Variants in PTPRZ1 observed in about 807,000 individuals in gnomAD.
The protein encoded by PTPRZ1 is receptor-type tyrosine-protein phosphatase zeta.
A neutral mutation model predicts 214.1 loss-of-function variants in PTPRZ1; 82 were observed. The ratio of observed to expected loss-of-function variants is 0.38; its 90% CI spans 0.32 to 0.46. The LOEUF (loss-of-function observed/expected upper bound fraction) is 0.46. Ranked by LOEUF, PTPRZ1 falls within the 20% of genes least tolerant of loss-of-function variation. PTPRZ1 has a pLI of 1.00. For synonymous variants in PTPRZ1, 945 were observed against 987.9 expected, an observed-to-expected ratio of 0.96 and a Z score of 0.81; for missense variants, 2,603 against 2,748.7, an observed-to-expected ratio of 0.95 and a Z score of 1.19.
intron 2 of PTPRZ1, among the ~76,000 whole-genome samples, chr7:121,931,055 C>T (rs1013485832): frequency 1.3e-5 from 2 of 152,072 alleles, no homozygotes; most frequent in African/African-American, 2.4e-5. Context: ...GTTGTGGTTT[C>T]GGAATGCTAC....
chr7:121,999,807 C>T (rs1584728089), intron 10 of PTPRZ1, among the ~76,000 whole-genome samples: 1 of 152,038 alleles, frequency 6.6e-6, no homozygotes, highest in Non-Finnish European at 1.5e-5. Context: ...CTGAGTGATC[C>T]TGTTAGACTG....
intron 6 of PTPRZ1, among the ~76,000 whole-genome samples, chr7:121,977,885 T>TA (rs1375520726): frequency 4.6e-5 from 7 of 152,122 alleles, no homozygotes; most frequent in Non-Finnish European, 2.9e-5. Context: ...TTCCTATACT[T>TA]AAAAAAATGT....
intron 13 of PTPRZ1, among the ~76,000 whole-genome samples, chr7:122,021,912 A>T (rs1799028262): frequency 6.6e-6 from 1 of 152,206 alleles, no homozygotes; most frequent in Non-Finnish European, 1.5e-5. Context: ...ATATCATCAT[A>T]TGCTAGGGGT....
At chr7:122,023,239 T>C (rs1799074131) in intron 13 of PTPRZ1, among the ~76,000 whole-genome samples, 1 of 151,730 alleles carries the variant, frequency 6.6e-6, no homozygotes, top group African/African-American at 2.4e-5. Context: ...GTATAAACTT[T>C]CAGAGGAAGC....
intron 8 of PTPRZ1, among the ~76,000 whole-genome samples, chr7:121,990,365 A>G (rs1249105737): frequency 6.6e-6 from 1 of 152,076 alleles, no homozygotes; most frequent in African/African-American, 2.4e-5. Flanking sequence ...GAATTAATGC[A>G]TATTTTATCT....
chr7:121,911,606 T>C (rs568438646), intron 1 of PTPRZ1, among the ~76,000 whole-genome samples: 1 of 152,198 alleles, frequency 6.6e-6, no homozygotes, highest in African/African-American at 2.4e-5. Context: ...ACTTCTTCCT[T>C]CTCTTATCCT....
intron 8 of PTPRZ1, among the ~76,000 whole-genome samples, chr7:121,989,438 G>T (rs777067512): frequency 6.8e-6 from 1 of 146,828 alleles, no homozygotes; most frequent in African/African-American, 2.5e-5. Context: ...GCAATGGCAC[G>T]ATATCGGCTC....
chr7:122,018,409 T>C (rs1252807712), intron 12 of PTPRZ1, among the ~76,000 whole-genome samples: 1 of 152,226 alleles, frequency 6.6e-6, no homozygotes, highest in East Asian at 1.9e-4. Context: ...TGTCATCTTT[T>C]AAAATTAACT....
chr7:121,908,594 G>A (rs953692082), intron 1 of PTPRZ1: 12 of 360,144 alleles, frequency 3.3e-5, no homozygotes, highest in African/African-American at 1.9e-4. Flanking sequence ...CGTCTGTAAT[G>A]TTCTCTTTAT....
At chr7:122,048,057 T>C (rs1206356) in intron 23 of PTPRZ1, among the ~76,000 whole-genome samples, 96,574 of 151,946 alleles carry the variant, frequency 0.64, 32,260 homozygotes, top group African/African-American at 0.86. Context: ...CAGAGTATAA[T>C]ACAGTAAAAA....
At chr7:122,010,198 C>A in intron 11 of PTPRZ1, 136 bp from the exon 12 acceptor site, 1 of 791,132 alleles carries the variant, frequency 1.3e-6, no homozygotes, top group Non-Finnish European at 2.0e-6. Context: ...TAGAGGTATG[C>A]ATTGTACAGA....
intron 2 of PTPRZ1, among the ~76,000 whole-genome samples, chr7:121,964,851 C>A (rs1490094647): frequency 6.6e-6 from 1 of 152,084 alleles, no homozygotes; most frequent in East Asian, 1.9e-4. Flanking sequence ...TAGGTGATAG[C>A]CAGTGTCAAG....
chr7:121,954,496 AC>A (rs1375360335), intron 2 of PTPRZ1, among the ~76,000 whole-genome samples: 1 of 152,018 alleles, frequency 6.6e-6, no homozygotes, highest in Non-Finnish European at 1.5e-5. Context: ...TATTTCAAGT[AC>A]CTTTTTTATC....
At chr7:121,946,688 G>A (rs1170616150) in intron 2 of PTPRZ1, among the ~76,000 whole-genome samples, 2 of 152,156 alleles carry the variant, frequency 1.3e-5, no homozygotes, top group African/African-American at 4.8e-5. Flanking sequence ...TTACAAGACA[G>A]AGAATAATAT....
chr7:122,011,241 C>T lies in PTPRZ1; in HGVS notation c.2195C>T (p.Ser732Phe), dbSNP rs1205978975. 2 of 1,613,924 alleles carry T rather than the reference C, an allele frequency of 1.2e-6. No homozygotes were observed. Among genetic ancestry groups the T allele is most frequent in the Admixed American group, 1.7e-5 (1 of 60,000 alleles). ...EVTPHAFTPS[S>F]RQQDLVSTVN... is the part of the protein sequence containing the mutation. ...ACACCTCATGCTTTTACCCCATCCT[C>T]CAGACAACAGGATTTGGTCTCCACG... Residue 732 changes from serine (S) to phenylalanine (F), a missense_variant, in exon 12 of 30, where the codon TCC (serine) becomes TTC (phenylalanine). Around this residue, in one of 6 missense-constraint regions of PTPRZ1, gnomAD observed 1,913 missense variants for 1,914.3 expected, o/e 1.00. Coordinates refer to ENST00000393386, the MANE Select transcript of PTPRZ1 (RefSeq NM_002851.3).
At chr7:122,030,242 T>C (rs1314427311) in intron 14 of PTPRZ1, among the ~76,000 whole-genome samples, 1 of 152,008 alleles carries the variant, frequency 6.6e-6, no homozygotes, top group African/African-American at 2.4e-5. Context: ...CATGTTTTCG[T>C]GTAAAAATCA....
intron 1 of PTPRZ1, among the ~76,000 whole-genome samples, chr7:121,907,532 A>G (rs573428805): frequency 6.6e-6 from 1 of 152,044 alleles, no homozygotes; most frequent in African/African-American, 2.4e-5. Context: ...GTATCCATCT[A>G]AATTTTCATA....
chr7:122,059,510 C>T, intron 28 of PTPRZ1: 1 of 376,408 alleles, frequency 2.7e-6, no homozygotes, highest in South Asian at 5.8e-5. Context: ...TCATAGTATA[C>T]AAATAATAAA....
intron 1 of PTPRZ1, among the ~76,000 whole-genome samples, chr7:121,927,430 C>T (rs944258265): frequency 6.6e-6 from 1 of 152,162 alleles, no homozygotes; most frequent in Non-Finnish European, 1.5e-5. Context: ...TTGAATTATG[C>T]AGAGTGAGAC....
Sources: allele counts gnomAD v4.1 joint callset (sites outside exome capture counted in the v4.1 genomes callset), GRCh38; gene constraint gnomAD v4.1.1; regional missense constraint gnomAD v4.1.1; transcripts MANE v1.5; gene names NCBI Gene and HGNC (gene_info 2026-07-23, HGNC 2026-07-21).